SYT12: variants seen among roughly 807,000 people sequenced by gnomAD.
SYT12 encodes the protein synaptotagmin 12.
In SYT12, 27 loss-of-function variants were observed where a neutral mutation model predicts 39.5. The observed-to-expected ratio is 0.68, with a 90% CI of 0.50 to 0.94. SYT12 has a LOEUF of 0.94. Among genes scored for constraint, SYT12 ranks in the 40% least tolerant of loss-of-function variants. The pLI, the probability that SYT12 is intolerant of heterozygous loss-of-function variation, is 0.00. For missense variants in SYT12, 536 were observed against 572.6 expected, an observed-to-expected ratio of 0.94 and a Z score of 0.65; for synonymous variants, 233 against 239.7, an observed-to-expected ratio of 0.97 and a Z score of 0.26.
intron 1 of SYT12, among the ~76,000 whole-genome samples, chr11:67,026,030 C>G (rs1271156479): frequency 6.6e-6 from 1 of 151,896 alleles, no homozygotes; most frequent in Non-Finnish European, 1.5e-5. Context: ...TCATTCCAGC[C>G]TGGGTGAAAG....
At chr11:67,009,261 C>T (rs1369893568) in intron 1 of SYT12, among the ~76,000 whole-genome samples, 1 of 152,130 alleles carries the variant, frequency 6.6e-6, no homozygotes, top group Non-Finnish European at 1.5e-5. Flanking sequence ...ATGCCTTGGC[C>T]TCCTGAAGTG....
At chr11:67,024,939 A>G (rs1438397618) in intron 1 of SYT12, among the ~76,000 whole-genome samples, 1 of 152,162 alleles carries the variant, frequency 6.6e-6, no homozygotes, top group Non-Finnish European at 1.5e-5. Context: ...GAGGCACAAC[A>G]TTCATGGAAA....
At chr11:67,030,016 A>T in intron 1 of SYT12, 106 bp from the exon 2 acceptor site, 1 of 935,986 alleles carries the variant, frequency 1.1e-6, no homozygotes, top group Non-Finnish European at 1.7e-6. Flanking sequence ...CTTATAGCTG[A>T]GTGTAAGCTC....
chr11:67,034,663 G>A lies in SYT12; in HGVS notation c.53G>A (p.Gly18Asp), dbSNP rs1950325048. The stretch of plus-strand genomic sequence containing the variant: ...CTTGCAGTCATCAAGAGCCCCCCTG[G>A]CTGGGAGGTGGGTGTCTATGCTGCA... ...YHLSVIKSPP[G>D]WEVGVYAAGA... The change falls in exon 3 of 8, where the codon GGC becomes GAC. Residue 18 changes from glycine to aspartate, a missense_variant. Coordinates refer to ENST00000527043, the MANE Select transcript of SYT12 (RefSeq NM_177963.4). The A allele has an allele frequency of 6.3e-7, 1 of 1,594,846 alleles. No homozygotes were observed. The highest frequency in any genetic ancestry group is 1.8e-5 in the Admixed American group (1 of 56,116).
chr11:67,047,583 A>G (rs1471428019), intron 7 of SYT12, among the ~76,000 whole-genome samples: 4 of 150,970 alleles, frequency 2.6e-5, no homozygotes, highest in African/African-American at 7.3e-5. Context: ...AAATATTATC[A>G]TCACCATTTC....
At chr11:67,017,926 C>T (rs1436264228) in intron 3 of SYT12, among the ~76,000 whole-genome samples, 1 of 151,812 alleles carries the variant, frequency 6.6e-6, no homozygotes, top group Non-Finnish European at 1.5e-5. Context: ...CACCATTGCA[C>T]TCCAGCCTGG....
intron 3 of SYT12, among the ~76,000 whole-genome samples, chr11:67,011,298 A>G (rs953726441): frequency 4.6e-5 from 7 of 152,208 alleles, no homozygotes; most frequent in African/African-American, 1.7e-4. Flanking sequence ...GTTGGAATGC[A>G]ATGGCACGAT....
exon 1 of SYT12, chr11:67,007,424 C>T (rs1949978509): frequency 6.6e-6 from 1 of 152,258 alleles, no homozygotes; most frequent in Non-Finnish European, 1.5e-5. Flanking sequence ...GTGTGGGGTG[C>T]TCCACTGAAC....
chr11:67,048,635 G>T lies in SYT12; in HGVS notation c.1144G>T (p.Asp382Tyr), dbSNP rs761671901. The change falls in exon 8 of 8, where the codon GAC becomes TAC. Residue 382 changes from aspartate (D) to tyrosine (Y), a missense_variant. Physicochemically the swap from Asp to Tyr is radical, Grantham distance 160 (BLOSUM62 -3). Coordinates refer to ENST00000527043, the MANE Select transcript of SYT12 (RefSeq NM_177963.4). ...TGAGAGCAGCAGCGACGGCCGTGGG[G>T]ACAACGTGGGCCATGTCATCATTGG... is the stretch of plus-strand genomic sequence containing the variant. ...VAESSSDGRG[D>Y]NVGHVIIGPS... The T allele has an allele frequency of 2.9e-5, 46 of 1,611,944 alleles. 1 individual carries two copies. In the South Asian group the frequency reaches 5.1e-4, roughly 18 times the overall value.
At chr11:67,029,823 G>T in intron 1 of SYT12, 1 of 306,132 alleles carries the variant, frequency 3.3e-6, no homozygotes, top group Non-Finnish European at 6.1e-6. Flanking sequence ...CTGCACTCTA[G>T]CCTGGGCAAC....
Position 67,048,927 on chromosome 11 carries a change from C to T in SYT12, c.*170C>T, listed in dbSNP as rs1057164678. On this transcript the variant is annotated 3_prime_UTR_variant, in exon 8 of 8. Transcript: ENST00000527043. Reference sequence around the variant, plus strand: ...GTCCAGATTGCAGCAGAGGAGTGGGCGTGGCTCTGTGTCCAGGGCCCCAGG... The same window carrying T: ...GTCCAGATTGCAGCAGAGGAGTGGGTGTGGCTCTGTGTCCAGGGCCCCAGG... 1.4e-5 allele frequency: 11 copies of T among 767,410 alleles called. No homozygotes were observed. The East Asian group carries it at 1.9e-4, about 13-fold the overall frequency. 47.5% of individuals were successfully genotyped at this position (767,410 alleles called of 1,614,324 possible).
rs143460879 is a variant in SYT12 at position 67,036,523 on chromosome 11, A to C, written c.228+1685A>C. Among the ~76,000 whole-genome samples the C allele has an allele frequency of 2.0e-5, 3 of 152,330 alleles. No individual in the cohort carries two copies. In the East Asian group the frequency reaches 5.8e-4, roughly 29 times the overall value. ...CATGGCAGAGAGTTTTCCGAATGTC[A>C]TGTAGAGTTCCAGAGAGCACAGCCA... On this transcript the variant is annotated intron_variant, in intron 3 of 7. Transcript: ENST00000527043.
chr11:67,015,955 G>A (rs969083338), intron 3 of SYT12, among the ~76,000 whole-genome samples: 6 of 152,128 alleles, frequency 3.9e-5, no homozygotes, highest in African/African-American at 1.4e-4. Flanking sequence ...AGGCCAGTGG[G>A]CTCATGCTAG....
intron 3 of SYT12, among the ~76,000 whole-genome samples, chr11:67,013,012 C>T (rs1027853045): frequency 3.9e-5 from 6 of 152,154 alleles, no homozygotes; most frequent in African/African-American, 1.2e-4. Context: ...TCCTGAGTTC[C>T]AGATCTCCAG....
intron 1 of SYT12, chr11:67,028,635 C>G (rs2136208293): frequency 6.6e-6 from 1 of 152,348 alleles, no homozygotes; most frequent in East Asian, 1.9e-4. Context: ...GATTCGACCC[C>G]AGTCCCAAAG....
chr11:67,012,456 T>C (rs1950020616), intron 3 of SYT12, among the ~76,000 whole-genome samples: 1 of 152,210 alleles, frequency 6.6e-6, no homozygotes, highest in Non-Finnish European at 1.5e-5. Flanking sequence ...TCAGACTGAC[T>C]GAGCTATCCC....
chr11:67,019,227 C>T (rs1365736412), upstream of SYT12, among the ~76,000 whole-genome samples: 1 of 152,066 alleles, frequency 6.6e-6, no homozygotes, highest in Non-Finnish European at 1.5e-5. Flanking sequence ...AATCCCAGCA[C>T]TTTGGGAGGC....
At chr11:67,020,864 G>T (rs1349162357), upstream of SYT12, among the ~76,000 whole-genome samples, 1 of 152,144 alleles carries the variant, frequency 6.6e-6, no homozygotes, top group African/African-American at 2.4e-5. Flanking sequence ...GAGTAGCTGG[G>T]ATTATAGGTG....
In SYT12 at chr11:67,048,894, GTC is replaced by G. The variant is rs1458232236; in HGVS notation, c.*143_*144del. ...GGCAGAGTCCTCATGACCCATCCTG[GTC>G]TCTCTGTCCAGATTGCAGCAGAGGA... On this transcript the variant is annotated 3_prime_UTR_variant, in exon 8 of 8. Coordinates refer to ENST00000527043, the MANE Select transcript of SYT12 (RefSeq NM_177963.4). The G allele has an allele frequency of 2.9e-6, 3 of 1,020,030 alleles. No individual in the cohort carries two copies. Among genetic ancestry groups the G allele is most frequent in the East Asian group, 2.6e-5 (1 of 37,824 alleles). 63.2% of individuals were successfully genotyped at this position (1,020,030 alleles called of 1,614,324 possible).
Sources: allele counts gnomAD v4.1 joint callset (sites outside exome capture counted in the v4.1 genomes callset), GRCh38; gene constraint gnomAD v4.1.1; transcripts MANE v1.5; gene names NCBI Gene and HGNC (gene_info 2026-07-23, HGNC 2026-07-21).